The following CASZ1 variants were observed in gnomAD, a reference collection of about 807,000 sequenced individuals.
The protein encoded by CASZ1 is zinc finger protein castor homolog 1.
Under a neutral mutation model 135.2 loss-of-function variants are expected in CASZ1, and 28 were observed. The ratio of observed to expected loss-of-function variants is 0.21; its 90% confidence interval spans 0.15 to 0.28. The LOEUF (loss-of-function observed/expected upper bound fraction) is 0.28, where lower values mean the gene tolerates loss of function less well. Among genes scored for constraint, CASZ1 ranks in the 10% least tolerant of loss-of-function variants. The pLI is 1.00. For missense variants in CASZ1, 2,161 were observed against 2,453.3 expected, an observed-to-expected ratio of 0.88 and a Z score of 2.52; for synonymous variants, 1,068 against 1,073.4, an observed-to-expected ratio of 0.99 and a Z score of 0.10.
chr1:10,737,631 G>C (rs1202944101), intron 2 of CASZ1, among the ~76,000 whole-genome samples: 2 of 152,262 alleles, frequency 1.3e-5, no homozygotes, highest in African/African-American at 4.8e-5. Context: ...ATGGCTGTAA[G>C]GGTTGGGGTC....
chr1:10,667,652 G>A (rs551816719), intron 4 of CASZ1, among the ~76,000 whole-genome samples: 1 of 152,188 alleles, frequency 6.6e-6, no homozygotes, highest in East Asian at 1.9e-4. Flanking sequence ...GGAAGGGAAG[G>A]GGGGAGTGGG....
Position 10,719,316 on chromosome 1 carries a change from A to G in CASZ1, c.-76-13772T>C, listed in dbSNP as rs906918137. Among the ~76,000 whole-genome samples the G allele has an allele frequency of 3.3e-5, 5 of 152,160 alleles. No homozygotes were observed. The highest frequency in any genetic ancestry group is 1.2e-4 in the African/African-American group (5 of 41,422). On this transcript the variant is annotated intron_variant, in intron 2 of 20. Transcript: ENST00000377022. The surrounding 1 kb of genome is among the most constrained non-coding windows in gnomAD (Gnocchi z 4.0). Reference sequence around the variant, plus strand: ...AGAACAGTAAGGCTGTTTCTCTTCTATTTGAATCAAAAGCCCTCATTCTTT... The same window carrying G: ...AGAACAGTAAGGCTGTTTCTCTTCTGTTTGAATCAAAAGCCCTCATTCTTT...
At chr1:10,778,187 A>C (rs982165244) in intron 1 of CASZ1, among the ~76,000 whole-genome samples, 2 of 151,868 alleles carry the variant, frequency 1.3e-5, no homozygotes, top group Non-Finnish European at 2.9e-5. Context: ...TCTCGCACAC[A>C]ATCAGACACA....
At chr1:10,643,128 TG>T in intron 19 of CASZ1, 31 bp downstream of exon 19, 1 of 1,601,278 alleles carries the variant, frequency 6.2e-7, no homozygotes. Context: ...CCCGCCACCC[TG>T]GCTGGGCTCT....
chr1:10,691,242 G>A (rs1356594226), intron 4 of CASZ1, among the ~76,000 whole-genome samples: 1 of 152,040 alleles, frequency 6.6e-6, no homozygotes, highest in East Asian at 1.9e-4. Flanking sequence ...TAAATTTGCT[G>A]TCATCTCGGG....
chr1:10,788,758 G>A lies in CASZ1; in HGVS notation c.-234+7806C>T, dbSNP rs546304390. On this transcript the variant is annotated intron_variant, in intron 1 of 20. Coordinates refer to ENST00000377022, the MANE Select transcript of CASZ1 (RefSeq NM_001079843.3). This position sits in a 1 kb window ranked among gnomAD's most constrained non-coding sequence, Gnocchi z 4.1. ...TTGCTTTGCCTGGAAGCTGGTCACT[G>A]GCAGGGCTGGCCCGGGAGCTGTGCC... Among the ~76,000 whole-genome samples the A allele has an allele frequency of 1.3e-5, 2 of 152,272 alleles. No homozygotes were observed. Among genetic ancestry groups the A allele is most frequent in the African/African-American group, 4.8e-5 (2 of 41,574 alleles).
At chr1:10,773,897 C>T (rs112124938) in intron 1 of CASZ1, among the ~76,000 whole-genome samples, 4,055 of 152,312 alleles carry the variant, frequency 0.027, 81 homozygotes, top group Middle Eastern at 0.061. Context: ...GCAGCCCTGT[C>T]GCTGCTCAGA....
chr1:10,658,102 G>C (rs1642869823), intron 7 of CASZ1: 1 of 187,782 alleles, frequency 5.3e-6, no homozygotes, highest in South Asian at 1.3e-4. Context: ...CACAGTGCTG[G>C]GATTACAGGC....
intron 2 of CASZ1, among the ~76,000 whole-genome samples, chr1:10,716,304 C>T (rs555150620): frequency 4.0e-4 from 61 of 152,358 alleles, no homozygotes; most frequent in African/African-American, 1.2e-3. Context: ...GCACCCAATC[C>T]GCTCCCCATC....
intron 11 of CASZ1, chr1:10,653,040 G>A (rs1447262029): frequency 2.7e-6 from 1 of 374,718 alleles, no homozygotes; most frequent in Non-Finnish European, 5.1e-6. Flanking sequence ...CTCTTATCAG[G>A]GTGGACTTGG....
At chr1:10,668,635 C>T (rs376881482) in intron 4 of CASZ1, among the ~76,000 whole-genome samples, 2 of 152,256 alleles carry the variant, frequency 1.3e-5, no homozygotes, top group Admixed American at 1.3e-4. Context: ...AGCCTCTGGC[C>T]CCACGGGCTC....
At chr1:10,738,889 T>C (rs185317775) in intron 2 of CASZ1, among the ~76,000 whole-genome samples, 241 of 148,250 alleles carry the variant, frequency 1.6e-3, no homozygotes, top group Middle Eastern at 7.1e-3. Flanking sequence ...ATTTTTTTTT[T>C]CCAAAAAACT....
At chr1:10,778,095 TCACA>T (rs1640693885) in intron 1 of CASZ1, among the ~76,000 whole-genome samples, 2 of 150,366 alleles carry the variant, frequency 1.3e-5, no homozygotes, top group Admixed American at 1.3e-4. Context: ...TCACACCATC[TCACA>T]CAATCTCACA....
chr1:10,706,965 TGGA>T lies in CASZ1; in HGVS notation c.-76-1424_-76-1422del, dbSNP rs1639189961. Among the ~76,000 whole-genome samples the T allele has an allele frequency of 6.7e-6, 1 of 150,352 alleles. No individual in the cohort carries two copies. The highest frequency in any genetic ancestry group is 1.5e-5 in the Non-Finnish European group (1 of 67,530). On this transcript the variant is annotated intron_variant, in intron 2 of 20. Coordinates refer to ENST00000377022, the MANE Select transcript of CASZ1 (RefSeq NM_001079843.3). This position sits in a 1 kb window ranked among gnomAD's most constrained non-coding sequence, Gnocchi z 4.3. ...AGGAGCTGGCCAGGAGAGGAGAGGA[TGGA>T]GGAGGAGGCCGGCAGGGAGGGTCAC...
chr1:10,776,151 T>A lies in CASZ1; in HGVS notation c.-233-15294A>T, dbSNP rs1183890169. Among the ~76,000 whole-genome samples the A allele has an allele frequency of 6.6e-6, 1 of 152,266 alleles. No individual in the cohort carries two copies. The highest frequency in any genetic ancestry group is 1.5e-5 in the Non-Finnish European group (1 of 68,040). ...TCAACTTCCTTGAAATAAATTTTACTATTTTATTAGTGCAAACAAAATGGT... is the reference window on the plus strand; with the variant it reads ...TCAACTTCCTTGAAATAAATTTTACAATTTTATTAGTGCAAACAAAATGGT... On this transcript the variant is annotated intron_variant, in intron 1 of 20. Transcript: ENST00000377022. The surrounding 1 kb of genome is among the most constrained non-coding windows in gnomAD (Gnocchi z 4.1).
chr1:10,649,634 C>A, intron 13 of CASZ1, 197 bp from the exon 14 acceptor site: 1 of 615,778 alleles, frequency 1.6e-6, no homozygotes, highest in East Asian at 2.8e-5. Flanking sequence ...CTGCCCCGAC[C>A]CCAGGAGCTG....
Position 10,666,455 on chromosome 1 carries a change from C to T in CASZ1, c.17-884G>A, listed in dbSNP as rs1290292291. Among the ~76,000 whole-genome samples the T allele has an allele frequency of 2.0e-5, 3 of 152,170 alleles. No homozygotes were observed. The highest frequency in any genetic ancestry group is 7.2e-5 in the African/African-American group (3 of 41,436). ...TTGTCCCTATCCTAGGACCTTGCTC[C>T]CCAGCCTCGGCCAGCCTCTGCAGCC... On this transcript the variant is annotated intron_variant, in intron 4 of 20. Transcript: ENST00000377022. This position sits in a 1 kb window ranked among gnomAD's most constrained non-coding sequence, Gnocchi z 5.2.
rs1182922461 is a variant in CASZ1, at chr1:10,706,253, C to A, written c.-76-709G>T. Among the ~76,000 whole-genome samples, 1 of 152,180 alleles carries A rather than the reference C, an allele frequency of 6.6e-6. No homozygotes were observed. The highest frequency in any genetic ancestry group is 1.9e-4 in the East Asian group (1 of 5,186). On this transcript the variant is annotated intron_variant, in intron 2 of 20. Transcript: ENST00000377022. This position sits in a 1 kb window ranked among gnomAD's most constrained non-coding sequence, Gnocchi z 4.3. ...CTGGCCCAGCGTGCCAGGCTGGGGC[C>A]CTCCTGCCCAGATAATGAGTTTGGG...
chr1:10,688,246 G>A (rs1016607190), intron 4 of CASZ1, among the ~76,000 whole-genome samples: 1 of 152,336 alleles, frequency 6.6e-6, no homozygotes, highest in East Asian at 1.9e-4. Context: ...CGGAGCCCCA[G>A]AACAGCAGGC....
Sources: allele counts gnomAD v4.1 joint callset (sites outside exome capture counted in the v4.1 genomes callset), GRCh38; gene constraint gnomAD v4.1.1; non-coding constraint Gnocchi (gnomAD v3.1); transcripts MANE v1.5; gene names NCBI Gene and HGNC (gene_info 2026-07-23, HGNC 2026-07-21).